The following CREBRF variants were observed in gnomAD, a reference collection of about 807,000 sequenced individuals.
CREBRF encodes UPF0474 protein C5orf41.
Under a neutral mutation model 66.1 loss-of-function variants are expected in CREBRF, and 5 were observed. The ratio of observed to expected loss-of-function variants is 0.08; its 90% CI spans 0.04 to 0.16. CREBRF has a LOEUF of 0.16. CREBRF is among the 10% of genes least tolerant of loss of function. The probability of loss-of-function intolerance (pLI) is 1.00; values close to 1 mark genes in which losing one functional copy is unlikely to be tolerated. For synonymous variants in CREBRF, 229 were observed against 264.4 expected, an observed-to-expected ratio of 0.87 and a Z score of 1.30; for missense variants, 531 against 744.9, an observed-to-expected ratio of 0.71 and a Z score of 3.34.
At chr5:173,110,435 G>T in intron 5 of CREBRF, 87 bp from the exon 6 acceptor site, 1 of 895,600 alleles carries the variant, frequency 1.1e-6, no homozygotes, top group South Asian at 1.3e-5. Context: ...AGGTAGTGGT[G>T]GGAAGTGGTT....
intron 5 of CREBRF, chr5:173,109,942 C>T (rs1423349911): frequency 1.9e-5 from 3 of 160,084 alleles, no homozygotes; most frequent in East Asian, 3.6e-4. Context: ...AGGACAGAGC[C>T]ATCCCTTTTG....
chr5:173,068,941 G>T (rs1420296162), intron 1 of CREBRF, among the ~76,000 whole-genome samples: 2 of 151,884 alleles, frequency 1.3e-5, no homozygotes, highest in Non-Finnish European at 2.9e-5. Flanking sequence ...GCGTGGTGGC[G>T]TGCACCTGTA....
rs755180300 is a variant in CREBRF at position 173,091,105 on chromosome 5, G to A, written c.926G>A (p.Gly309Glu). The A allele has an allele frequency of 6.2e-7, 1 of 1,614,018 alleles. No individual in the cohort carries two copies. Among genetic ancestry groups the A allele is most frequent in the Admixed American group, 1.7e-5 (1 of 59,992 alleles). The change falls in exon 4 of 9, where the codon GGG becomes GAG. Residue 309 changes from glycine to glutamate, a missense_variant. Gly to Glu is a moderately conservative substitution (Grantham distance 98). Transcript: ENST00000296953. ...LLSPLPQEGP[G>E]SLAAGESSSL... ...AGTCCCCTGCCCCAGGAAGGTCCTG[G>A]GTCACTTGCAGCAGGAGAGAGCAGC...
intron 6 of CREBRF, among the ~76,000 whole-genome samples, chr5:173,110,991 C>G (rs113881019): frequency 5.6e-4 from 85 of 152,058 alleles, no homozygotes; most frequent in South Asian, 2.1e-3. Flanking sequence ...TTTAGTAAGT[C>G]AGAGTTATTG....
At chr5:173,061,103 G>A (rs1757257532) in intron 1 of CREBRF, among the ~76,000 whole-genome samples, 1 of 152,106 alleles carries the variant, frequency 6.6e-6, no homozygotes, top group South Asian at 2.1e-4. Flanking sequence ...GAGTAGCTGG[G>A]ATTACAGGCG....
rs530913131 is a variant in CREBRF at position 173,108,869 on chromosome 5, C to T, written c.1417+51C>T. The T allele has an allele frequency of 4.2e-4, 640 of 1,528,328 alleles. 4 individuals carry two copies. The South Asian group carries it at 5.5e-3, about 13-fold the overall frequency. The allele number at this position is 1,528,328 out of a possible 1,614,324, so 94.7% of individuals were successfully genotyped here. On this transcript the variant is annotated intron_variant, in intron 5 of 8. Transcript: ENST00000296953. Reference sequence around the variant, plus strand: ...TTAGTGTCACTTTAATCAAGTTGAGCTACTAATCCATAATGTTTACTCCGT... The same window carrying T: ...TTAGTGTCACTTTAATCAAGTTGAGTTACTAATCCATAATGTTTACTCCGT...
rs535367225 is a variant in CREBRF, at chr5:173,108,726, C to T, written c.1325C>T (p.Thr442Ile). 1 of 1,614,004 alleles carries T rather than the reference C, an allele frequency of 6.2e-7. No individual in the cohort carries two copies. Among genetic ancestry groups the T allele is most frequent in the Non-Finnish European group, 8.5e-7 (1 of 1,179,952 alleles). ...RYFWEYSEQL[T>I]PSQQERMLRP... is the part of the protein sequence containing the mutation. ...TTCTGGGAGTATAGTGAACAACTTACACCATCACAGCAAGAGAGGATGCTG... is the reference window on the plus strand; with the variant it reads ...TTCTGGGAGTATAGTGAACAACTTATACCATCACAGCAAGAGAGGATGCTG... The change falls in exon 5 of 9, where the codon ACA becomes ATA. Residue 442 changes from threonine (T) to isoleucine (I), a missense_variant. This residue lies in a region of CREBRF where 309 missense variants were observed against 341.4 expected (regional missense o/e 0.90). Transcript: ENST00000296953.
In CREBRF at chr5:173,110,713, TA is replaced by T; in HGVS notation, c.1607+5del. On this transcript the variant is annotated splice_donor_region_variant and intron_variant, in intron 6 of 8. Transcript: ENST00000296953. Reference sequence around the variant, plus strand: ...GGAAAAAAATAAGCTGGCTTCCAGGTAAATGCTAATAATGTTCACTCATGTG... The same window carrying T: ...GGAAAAAAATAAGCTGGCTTCCAGGTAATGCTAATAATGTTCACTCATGTG... 1 of 1,603,600 alleles carries T rather than the reference TA, an allele frequency of 6.2e-7. No homozygotes were observed. The highest frequency in any genetic ancestry group is 8.5e-7 in the Non-Finnish European group (1 of 1,176,702).
chr5:173,127,195 C>T (rs1340390311), intron 8 of CREBRF, among the ~76,000 whole-genome samples: 1 of 148,338 alleles, frequency 6.7e-6, no homozygotes, highest in South Asian at 2.1e-4. Flanking sequence ...GACAGTCTCC[C>T]TCTGTCACCC....
rs1758299385 is a variant in CREBRF at position 173,090,716 on chromosome 5, C to T, written c.537C>T (p.Ser179=). 1 of 1,614,012 alleles carries T rather than the reference C, an allele frequency of 6.2e-7. No individual in the cohort carries two copies. Among genetic ancestry groups the T allele is most frequent in the South Asian group, 1.1e-5 (1 of 91,088 alleles). ...PSSFPGKKIT[S]RAAAPVCSSK... is the part of the protein sequence containing the mutation. ...CATTCCCTGGTAAAAAGATCACAAG[C>T]AGAGCAGCTGCTCCTGTGTGTTCTT... Residue 179 remains serine (S), a synonymous_variant, in exon 4 of 9, where the codon AGC becomes AGT. Coordinates refer to ENST00000296953, the MANE Select transcript of CREBRF (RefSeq NM_153607.3). The surrounding 1 kb of genome is among the most constrained non-coding windows in gnomAD (Gnocchi z 4.5).
chr5:173,133,632 C>A lies in CREBRF; in HGVS notation c.1807C>A (p.Leu603Ile), dbSNP rs1256110368. Residue 603 changes from leucine to isoleucine, a missense_variant and splice_region_variant, in exon 9 of 9, where the codon CTA (leucine) becomes ATA (isoleucine). Physicochemically the swap from Leu to Ile is conservative, Grantham distance 5. Coordinates refer to ENST00000296953, the MANE Select transcript of CREBRF (RefSeq NM_153607.3). ...LEILIKDTLG[L>I]PVAGQTSEFV... ...GTGCCTTTTATTCTTCTCTTCAGGT[C>A]TACCAGTTGCTGGGCAAACCTCAGA... 2 of 1,589,796 alleles carry A rather than the reference C, an allele frequency of 1.3e-6. No individual in the cohort carries two copies. The highest frequency in any genetic ancestry group is 2.2e-5 in the South Asian group (2 of 90,344).
At chr5:173,091,922 TA>T in intron 4 of CREBRF, 1 of 347,044 alleles carries the variant, frequency 2.9e-6, no homozygotes, top group Non-Finnish European at 4.1e-6. Flanking sequence ...CTGTCTCTAC[TA>T]AAAATACAAA....
chr5:173,092,281 C>T (rs1184569237), intron 4 of CREBRF: 11 of 979,486 alleles, frequency 1.1e-5, no homozygotes, highest in Non-Finnish European at 1.3e-5. Flanking sequence ...TAATTTACAT[C>T]GTATTTTCCT....
intron 7 of CREBRF, among the ~76,000 whole-genome samples, chr5:173,113,465 A>T (rs146875207): frequency 1.2e-3 from 188 of 151,540 alleles, no homozygotes; most frequent in African/African-American, 4.1e-3. Context: ...CACGCACCAC[A>T]CCTTGCTAAT....
chr5:173,094,210 T>G (rs1758420630), intron 4 of CREBRF, among the ~76,000 whole-genome samples: 1 of 152,214 alleles, frequency 6.6e-6, no homozygotes, highest in South Asian at 2.1e-4. Context: ...GTTGATTCCT[T>G]ATCTTGGATT....
chr5:173,081,053 CCAACTCCCTTGAAAATTAGTCTGCCA>C, intron 2 of CREBRF, among the ~76,000 whole-genome samples: 2 of 152,274 alleles, frequency 1.3e-5, no homozygotes, highest in South Asian at 4.1e-4. Flanking sequence ...TGGGGCAAAA[CCAACTCCCTTGAAAATTAGTCTGCCA>C]CAGCAATCCC....
At chr5:173,058,051 A>T (rs113223548) in intron 1 of CREBRF, among the ~76,000 whole-genome samples, 9 of 145,224 alleles carry the variant, frequency 6.2e-5, no homozygotes, top group Non-Finnish European at 1.3e-4. Context: ...TTTTTTTTTT[A>T]AAGCAGAAAA....
At chr5:173,058,650 AT>A (rs575796008) in intron 1 of CREBRF, among the ~76,000 whole-genome samples, 1 of 148,452 alleles carries the variant, frequency 6.7e-6, no homozygotes, top group East Asian at 2.0e-4. Context: ...CGCCCGGCTA[AT>A]TTTTTTTGTA....
At chr5:173,117,638 CTTCTCTCCTCT>C (rs1759031067) in intron 7 of CREBRF, among the ~76,000 whole-genome samples, 1 of 75,524 alleles carries the variant, frequency 1.3e-5, no homozygotes, top group Non-Finnish European at 3.2e-5. Context: ...TCCCTCCCTC[CTTCTCTCCTCT>C]CTCTCTCTCT....
Sources: gnomAD v4.1 joint callset for allele counts (sites outside exome capture counted in the v4.1 genomes callset) on GRCh38, gnomAD v4.1.1 for gene constraint, gnomAD v4.1.1 regional missense constraint, Gnocchi (gnomAD v3.1) non-coding constraint, MANE v1.5 for transcripts, NCBI Gene and HGNC (gene_info 2026-07-23, HGNC 2026-07-21) for gene names.